Variants in CORIN observed in about 807,000 individuals in gnomAD.
The protein encoded by CORIN is atrial natriuretic peptide-converting enzyme.
In CORIN, 117 loss-of-function variants were observed where a neutral mutation model predicts 125.3. The observed-to-expected ratio is 0.93, with a 90% CI of 0.80 to 1.09. The LOEUF is 1.09. Ranked by LOEUF, CORIN falls within the 50% of genes least tolerant of loss-of-function variation. The pLI, the probability that CORIN is intolerant of heterozygous loss-of-function variation, is 0.00. For synonymous variants in CORIN, 450 were observed against 466.4 expected (o/e 0.96, Z 0.45); for missense variants, 1,253 against 1,306.7 (o/e 0.96, Z 0.63).
chr4:47,746,449 G>A (rs748470558), intron 4 of CORIN, among the ~76,000 whole-genome samples: 7 of 152,160 alleles, frequency 4.6e-5, no homozygotes, highest in Non-Finnish European at 8.8e-5. Flanking sequence ...ATTAGAACTC[G>A]GGCAGATTGA....
intron 12 of CORIN, among the ~76,000 whole-genome samples, chr4:47,655,323 C>A (rs917421710): frequency 6.6e-6 from 1 of 152,170 alleles, no homozygotes; most frequent in Non-Finnish European, 1.5e-5. Flanking sequence ...TGTCTTGCAG[C>A]TTAGGTACCA....
chr4:47,632,709 CCTAA>C (rs1261091345), intron 16 of CORIN, among the ~76,000 whole-genome samples: 5 of 123,328 alleles, frequency 4.1e-5, no homozygotes, highest in Non-Finnish European at 6.7e-5. Context: ...TTATTGCAAT[CCTAA>C]CTGACAATAG....
chr4:47,781,396 T>C (rs530153954), intron 3 of CORIN, among the ~76,000 whole-genome samples: 4 of 152,228 alleles, frequency 2.6e-5, no homozygotes, highest in African/African-American at 9.6e-5. Context: ...TGTTTTTCAC[T>C]TTCAGTAAGG....
At chr4:47,821,343 A>G (rs1008654924) in intron 1 of CORIN, among the ~76,000 whole-genome samples, 1 of 151,410 alleles carries the variant, frequency 6.6e-6, no homozygotes, top group African/African-American at 2.4e-5. Context: ...TTCAATGATT[A>G]GGAATATTAA....
chr4:47,823,791 G>A (rs1365063422), intron 1 of CORIN, among the ~76,000 whole-genome samples: 1 of 152,166 alleles, frequency 6.6e-6, no homozygotes, highest in African/African-American at 2.4e-5. Flanking sequence ...GCTGCCATGT[G>A]GGCGCCATGC....
intron 5 of CORIN, among the ~76,000 whole-genome samples, chr4:47,703,818 T>G (rs746630993): frequency 6.6e-6 from 1 of 152,210 alleles, no homozygotes; most frequent in Non-Finnish European, 1.5e-5. Flanking sequence ...CCCAAACTTA[T>G]GGATATAGCA....
intron 17 of CORIN, among the ~76,000 whole-genome samples, 183 bp downstream of exon 17, chr4:47,626,222 T>C (rs34811317): frequency 6.6e-6 from 1 of 152,176 alleles, no homozygotes; most frequent in Non-Finnish European, 1.5e-5. Context: ...AAAAAATCTA[T>C]GTCTAGAAAG....
In CORIN at chr4:47,622,333, A is replaced by T. The variant is rs569628400; in HGVS notation, c.2540+1238T>A. ...ATACGTGTGCATGTGTCTTTATAGC[A>T]GCATGATTTATAGTCCTTTGGGTAT... On this transcript the variant is annotated intron_variant, in intron 19 of 21. Transcript: ENST00000273857. Among the ~76,000 whole-genome samples, 1,041 of 149,930 alleles carry T rather than the reference A, an allele frequency of 6.9e-3. 16 individuals are homozygous for T. The highest frequency in any genetic ancestry group is 0.012 in the Non-Finnish European group (804 of 67,312).
At chr4:47,697,868 C>T (rs1363162970) in intron 5 of CORIN, among the ~76,000 whole-genome samples, 2 of 151,954 alleles carry the variant, frequency 1.3e-5, no homozygotes, top group Non-Finnish European at 2.9e-5. Context: ...ACAGTATTTC[C>T]ATTTTTTGGA....
chr4:47,738,074 C>A (rs1728212921), intron 5 of CORIN, among the ~76,000 whole-genome samples: 1 of 151,832 alleles, frequency 6.6e-6, no homozygotes, highest in Admixed American at 6.6e-5. Context: ...AAGAAGCTAA[C>A]CAGAAAAATT....
intron 21 of CORIN, 102 bp from the exon 22 acceptor site, chr4:47,596,005 A>C (rs1368338716): frequency 1.1e-6 from 1 of 890,756 alleles, no homozygotes; most frequent in Non-Finnish European, 1.6e-6. Context: ...AGATTAACCA[A>C]CTTGGAAAGT....
intron 1 of CORIN, among the ~76,000 whole-genome samples, chr4:47,826,657 C>A (rs968973606): frequency 2.0e-5 from 3 of 152,232 alleles, no homozygotes; most frequent in African/African-American, 7.2e-5. Context: ...GGACCTCCCA[C>A]ATAATTCAAG....
chr4:47,654,861 C>A (rs553213810), intron 12 of CORIN, among the ~76,000 whole-genome samples: 125 of 151,878 alleles, frequency 8.2e-4, no homozygotes, highest in African/African-American at 2.9e-3. Context: ...TTGTGCCACC[C>A]CTTCCCCAAC....
intron 4 of CORIN, among the ~76,000 whole-genome samples, chr4:47,748,840 T>C (rs1175408047): frequency 6.6e-6 from 1 of 152,158 alleles, no homozygotes; most frequent in Non-Finnish European, 1.5e-5. Flanking sequence ...ACTGTTAAAC[T>C]TACAGAAAAG....
In CORIN at chr4:47,623,663, C is replaced by T; in HGVS notation, c.2448G>A (p.Gln816=). The stretch of plus-strand genomic sequence containing the variant: ...CACTGGGTTCACTCTGCAGAGAACA[C>T]TGCCATGGCCACCTTCCAGGGCGAC... ...RTSRPGRWPW[Q]CSLQSEPSGH... Residue 816 remains glutamine, a synonymous_variant, in exon 19 of 22, where the codon CAG becomes CAA. Coordinates refer to ENST00000273857, the MANE Select transcript of CORIN (RefSeq NM_006587.4). The T allele has an allele frequency of 6.2e-7, 1 of 1,614,250 alleles. No homozygotes were observed. Among genetic ancestry groups the T allele is most frequent in the Non-Finnish European group, 8.5e-7 (1 of 1,180,030 alleles).
chr4:47,746,695 C>A (rs1016849197), intron 4 of CORIN, among the ~76,000 whole-genome samples: 12 of 152,002 alleles, frequency 7.9e-5, no homozygotes, highest in Admixed American at 3.3e-4. Context: ...CCACCTCGCC[C>A]GGCTAATTTT....
chr4:47,746,249 T>C (rs1216585016), intron 4 of CORIN, among the ~76,000 whole-genome samples: 1 of 152,208 alleles, frequency 6.6e-6, no homozygotes, highest in Non-Finnish European at 1.5e-5. Flanking sequence ...GAACATAAAA[T>C]TACTATATGC....
At chr4:47,706,286 G>A in intron 5 of CORIN, 1 of 906,962 alleles carries the variant, frequency 1.1e-6, no homozygotes, top group Non-Finnish European at 1.7e-6. Context: ...GGTATCATAA[G>A]CTCTAAACTG....
intron 4 of CORIN, among the ~76,000 whole-genome samples, chr4:47,751,546 C>T (rs952257277): frequency 1.3e-5 from 2 of 152,120 alleles, no homozygotes; most frequent in Non-Finnish European, 2.9e-5. Context: ...TCTGAATTGC[C>T]TTTTTACCCC....
Sources: allele counts gnomAD v4.1 joint callset (sites outside exome capture counted in the v4.1 genomes callset), GRCh38; gene constraint gnomAD v4.1.1; transcripts MANE v1.5; gene names NCBI Gene and HGNC (gene_info 2026-07-23, HGNC 2026-07-21).